Variants in HS6ST3 observed in about 807,000 individuals in gnomAD.
HS6ST3 encodes heparan sulfate 6-O-sulfotransferase 3.
A neutral mutation model predicts 36.7 loss-of-function variants in HS6ST3; 12 were observed. That is an observed-to-expected ratio of 0.33 (90% confidence interval 0.21 to 0.53). HS6ST3 has a LOEUF of 0.53. HS6ST3 is among the 20% of genes least tolerant of loss of function. HS6ST3 has a pLI of 0.95. For synonymous variants in HS6ST3, 240 were observed against 257.5 expected, an observed-to-expected ratio of 0.93 and a Z score of 0.65; for missense variants, 584 against 640.9, an observed-to-expected ratio of 0.91 and a Z score of 0.96.
chr13:96,807,110 A>T (rs1878212466), intron 1 of HS6ST3, among the ~76,000 whole-genome samples: 1 of 152,222 alleles, frequency 6.6e-6, no homozygotes, highest in South Asian at 2.1e-4. Flanking sequence ...CCTGGTGAGA[A>T]TCACTTCTGA....
intron 1 of HS6ST3, among the ~76,000 whole-genome samples, chr13:96,546,489 A>G (rs2056198157): frequency 6.6e-6 from 1 of 152,320 alleles, no homozygotes; most frequent in Admixed American, 6.5e-5. Context: ...AGTTGGTGCT[A>G]TAAATCATTC....
intron 1 of HS6ST3, among the ~76,000 whole-genome samples, chr13:96,665,901 A>G (rs1009555591): frequency 1.2e-4 from 18 of 152,314 alleles, no homozygotes; most frequent in African/African-American, 4.1e-4. Context: ...CCAAGGACAC[A>G]GACTAGTAAG....
At chr13:96,697,185 G>GTA (rs1875152796) in intron 1 of HS6ST3, among the ~76,000 whole-genome samples, 1 of 151,518 alleles carries the variant, frequency 6.6e-6, no homozygotes, top group African/African-American at 2.4e-5. Context: ...GTGTGTGTGT[G>GTA]TGTATATATG....
chr13:96,705,307 G>A (rs761000681), intron 1 of HS6ST3, among the ~76,000 whole-genome samples: 1 of 152,024 alleles, frequency 6.6e-6, no homozygotes. Context: ...AATCTCTTGG[G>A]ACTTTTAAAA....
intron 1 of HS6ST3, among the ~76,000 whole-genome samples, chr13:96,712,778 A>G (rs1012908574): frequency 6.6e-6 from 1 of 152,158 alleles, no homozygotes; most frequent in African/African-American, 2.4e-5. Flanking sequence ...CTCCCTCCCT[A>G]CACACCCAGT....
At chr13:96,635,889 C>A (rs1029667277) in intron 1 of HS6ST3, among the ~76,000 whole-genome samples, 4 of 152,090 alleles carry the variant, frequency 2.6e-5, no homozygotes, top group Admixed American at 1.3e-4. Context: ...TAATACTACA[C>A]GCAGGGTATA....
chr13:96,628,498 A>C lies in HS6ST3; in HGVS notation c.708-203992A>C, dbSNP rs542889631. On this transcript the variant is annotated intron_variant, in intron 1 of 1. Coordinates refer to ENST00000376705, the MANE Select transcript of HS6ST3 (RefSeq NM_153456.4). The stretch of plus-strand genomic sequence containing the variant: ...ATTCTAAAATCATTTCATCCATTTA[A>C]ATCAAATTGATGCTGTCCAAATCTT... 2.0e-5 allele frequency among the ~76,000 whole-genome samples: 3 copies of C among 152,150 alleles called. No individual in the cohort carries two copies. The East Asian group carries it at 5.8e-4, about 29-fold the overall frequency.
At chr13:96,094,195 A>G (rs1337227263) in intron 1 of HS6ST3, among the ~76,000 whole-genome samples, 1 of 152,158 alleles carries the variant, frequency 6.6e-6, no homozygotes, top group East Asian at 1.9e-4. Context: ...GTAGATAATA[A>G]TTAGTATGGC....
At chr13:96,526,657 T>A (rs558809397) in intron 1 of HS6ST3, among the ~76,000 whole-genome samples, 6 of 152,352 alleles carry the variant, frequency 3.9e-5, no homozygotes, top group Non-Finnish European at 8.8e-5. Flanking sequence ...CTTAGGGTAT[T>A]AAGTTGAACC....
chr13:96,597,281 C>T (rs866275858), intron 1 of HS6ST3, among the ~76,000 whole-genome samples: 2 of 151,310 alleles, frequency 1.3e-5, no homozygotes, highest in Admixed American at 6.6e-5. Flanking sequence ...TGTACACAAA[C>T]GCTATGACAC....
chr13:96,133,612 G>A (rs942388148), intron 1 of HS6ST3, among the ~76,000 whole-genome samples: 15 of 151,866 alleles, frequency 9.9e-5, no homozygotes, highest in African/African-American at 3.1e-4. Flanking sequence ...TAGTAGAATC[G>A]GGGTTTCGCC....
intron 1 of HS6ST3, among the ~76,000 whole-genome samples, chr13:96,641,361 A>AT (rs947623648): frequency 3.7e-5 from 5 of 134,982 alleles, no homozygotes; most frequent in African/African-American, 1.3e-4. Context: ...TTGGACATTG[A>AT]TTTTTTAAAT....
chr13:96,165,315 G>A (rs1202244447), intron 1 of HS6ST3, among the ~76,000 whole-genome samples: 2 of 152,112 alleles, frequency 1.3e-5, no homozygotes, highest in Admixed American at 1.3e-4. Flanking sequence ...AACTTTAGAA[G>A]CCCCATGGCT....
At chr13:96,587,486 G>C (rs1388727214) in intron 1 of HS6ST3, among the ~76,000 whole-genome samples, 1 of 152,170 alleles carries the variant, frequency 6.6e-6, no homozygotes, top group Non-Finnish European at 1.5e-5. Flanking sequence ...TCTGCAGACA[G>C]GGAAGTTCAA....
At chr13:96,208,137 T>C (rs2054381163) in intron 1 of HS6ST3, among the ~76,000 whole-genome samples, 1 of 152,166 alleles carries the variant, frequency 6.6e-6, no homozygotes, top group Non-Finnish European at 1.5e-5. Context: ...TCTAAAATCA[T>C]AAAATATTAA....
chr13:96,393,265 A>G (rs2055405118), intron 1 of HS6ST3, among the ~76,000 whole-genome samples: 1 of 152,142 alleles, frequency 6.6e-6, no homozygotes, highest in Non-Finnish European at 1.5e-5. Context: ...AAAGACTAAT[A>G]CACTGGGCTT....
intron 1 of HS6ST3, among the ~76,000 whole-genome samples, chr13:96,448,936 C>G (rs2055713008): frequency 6.6e-6 from 1 of 151,974 alleles, no homozygotes; most frequent in Non-Finnish European, 1.5e-5. Flanking sequence ...TTCATTTTGT[C>G]TCACCTTTGG....
At chr13:96,308,172 T>C (rs770878586) in intron 1 of HS6ST3, among the ~76,000 whole-genome samples, 9 of 152,100 alleles carry the variant, frequency 5.9e-5, no homozygotes, top group Non-Finnish European at 1.0e-4. Flanking sequence ...ATTCCTTAGA[T>C]GATTTTCGTT....
intron 1 of HS6ST3, among the ~76,000 whole-genome samples, chr13:96,590,477 G>A (rs1168175375): frequency 6.6e-6 from 1 of 151,426 alleles, no homozygotes; most frequent in South Asian, 2.1e-4. Context: ...TTTTCCATTT[G>A]TATGTCTTCT....
Sources: allele counts gnomAD v4.1 joint callset (sites outside exome capture counted in the v4.1 genomes callset), GRCh38; gene constraint gnomAD v4.1.1; transcripts MANE v1.5; gene names NCBI Gene and HGNC (gene_info 2026-07-23, HGNC 2026-07-21).